Variants in AATF observed in about 807,000 individuals in gnomAD.
AATF encodes the protein apoptosis antagonizing transcription factor.
A neutral mutation model predicts 63.7 loss-of-function variants in AATF; 48 were observed. That is an observed-to-expected ratio of 0.75 (90% confidence interval 0.60 to 0.96). The LOEUF is 0.96. Among genes scored for constraint, AATF ranks in the 40% least tolerant of loss-of-function variants. The pLI is 0.00. For missense variants in AATF, 639 were observed against 685.7 expected (o/e 0.93, Z 0.76); for synonymous variants, 258 against 247.7 (o/e 1.04, Z -0.39).
intron 4 of AATF, among the ~76,000 whole-genome samples, chr17:36,982,653 A>G (rs1454468537): frequency 6.6e-6 from 1 of 151,998 alleles, no homozygotes; most frequent in Non-Finnish European, 1.5e-5. Context: ...CGCCCAGCCC[A>G]GTGTTTTTTT....
intron 8 of AATF, chr17:36,999,295 A>G (rs1669583015): frequency 6.6e-6 from 1 of 152,230 alleles, no homozygotes; most frequent in South Asian, 2.1e-4. Flanking sequence ...TCCTTCATTC[A>G]TTCAACAAAT....
intron 4 of AATF, among the ~76,000 whole-genome samples, chr17:36,978,992 C>T (rs1206485546): frequency 1.3e-5 from 2 of 151,886 alleles, no homozygotes; most frequent in East Asian, 1.9e-4. Flanking sequence ...CTGGGTAGCC[C>T]GCGAGTTGCA....
At chr17:37,052,867 A>G (rs527527691) in intron 11 of AATF, 10 of 152,358 alleles carry the variant, frequency 6.6e-5, no homozygotes, top group African/African-American at 2.4e-4. Context: ...AGCCCTGTGC[A>G]GGCCGGGTGG....
At chr17:37,028,849 T>C (rs1384908326) in intron 10 of AATF, among the ~76,000 whole-genome samples, 1 of 152,074 alleles carries the variant, frequency 6.6e-6, no homozygotes, top group African/African-American at 2.4e-5. Context: ...AATATGAAAA[T>C]AGGGTACTTC....
chr17:37,023,603 A>G (rs1043617641), intron 10 of AATF, among the ~76,000 whole-genome samples: 2 of 139,470 alleles, frequency 1.4e-5, no homozygotes, highest in African/African-American at 5.3e-5. Context: ...CAGAGTTTAA[A>G]AAGAGGCATT....
chr17:37,046,735 A>C (rs1184215330), intron 11 of AATF, among the ~76,000 whole-genome samples: 50 of 134,756 alleles, frequency 3.7e-4, no homozygotes, highest in African/African-American at 1.5e-3. Context: ...CCCCCAACAC[A>C]CACACACACA....
At chr17:37,029,586 G>T (rs1480768554) in intron 10 of AATF, among the ~76,000 whole-genome samples, 1 of 151,070 alleles carries the variant, frequency 6.6e-6, no homozygotes, top group Admixed American at 6.6e-5. Context: ...TTTTATTTTT[G>T]AAACAAAATC....
intron 11 of AATF, among the ~76,000 whole-genome samples, chr17:37,051,697 GACACACACACAC>G (rs59773430): frequency 4.4e-5 from 6 of 137,140 alleles, no homozygotes; most frequent in Non-Finnish European, 9.4e-5. Context: ...CAGACAGACA[GACACACACACAC>G]ACACACACAC....
At chr17:36,971,166 G>A (rs7220499) in intron 4 of AATF, among the ~76,000 whole-genome samples, 40,342 of 151,944 alleles carry the variant, frequency 0.27, 7,599 homozygotes, top group African/African-American at 0.54. Context: ...AATGTTTGCA[G>A]ATCACATAAT....
chr17:36,984,315 A>G (rs2071150145), intron 4 of AATF, among the ~76,000 whole-genome samples: 1 of 152,258 alleles, frequency 6.6e-6, no homozygotes, highest in Non-Finnish European at 1.5e-5. Context: ...TTCAGCAACC[A>G]GTTAAACATC....
In AATF at chr17:37,031,679, A is replaced by G. The variant is rs952524733; in HGVS notation, c.1613A>G (p.Asp538Gly). 1 of 1,613,480 alleles carries G rather than the reference A, an allele frequency of 6.2e-7. No homozygotes were observed. Among genetic ancestry groups the G allele is most frequent in the African/African-American group, 1.3e-5 (1 of 74,904 alleles). ...ATTGACCATACTACAATGAATGATG[A>G]TGCCAGGTGAGTAATAGATTAATTA... Reference protein sequence around the residue: ...APIDHTTMNDDARTELYRSLF... With the variant: ...APIDHTTMNDGARTELYRSLF... The change falls in exon 11 of 12, where the codon GAT (aspartate) becomes GGT (glycine). Residue 538 changes from aspartate to glycine, a missense_variant. Asp to Gly is a moderately conservative substitution (Grantham distance 94). Coordinates refer to ENST00000619387, the MANE Select transcript of AATF (RefSeq NM_012138.4).
chr17:36,949,195 C>T lies in AATF; in HGVS notation c.70C>T (p.Pro24Ser). Residue 24 changes from proline (P) to serine (S), a missense_variant, in exon 1 of 12, where the codon CCT becomes TCT. Pro to Ser is a moderately conservative substitution (Grantham distance 74). Transcript: ENST00000619387. ...LLNPRPSEAD[P>S]EADPEEATAA... ...GAACCCGCGACCAAGCGAGGCGGAC[C>T]CTGAAGCGGACCCCGAGGAAGGTGA... The T allele has an allele frequency of 6.3e-7, 1 of 1,593,338 alleles. No individual in the cohort carries two copies. The highest frequency in any genetic ancestry group is 8.5e-7 in the Non-Finnish European group (1 of 1,171,636).
At chr17:36,996,338 G>A (rs2071254723) in intron 8 of AATF, among the ~76,000 whole-genome samples, 1 of 152,304 alleles carries the variant, frequency 6.6e-6, no homozygotes, top group Middle Eastern at 3.4e-3. Flanking sequence ...GGAGACTGAG[G>A]TGGGAAAATC....
intron 8 of AATF, among the ~76,000 whole-genome samples, chr17:36,994,272 C>T (rs987447640): frequency 6.6e-6 from 1 of 152,164 alleles, no homozygotes; most frequent in Non-Finnish European, 1.5e-5. Flanking sequence ...AGAGATTTCA[C>T]TGTAGTATTA....
chr17:37,048,163 G>A (rs2071710453), intron 11 of AATF, among the ~76,000 whole-genome samples: 1 of 151,956 alleles, frequency 6.6e-6, no homozygotes, highest in Non-Finnish European at 1.5e-5. Flanking sequence ...GATCCTCCTT[G>A]GGTTGTTGGG....
At chr17:36,953,700 C>G (rs922896437) in intron 3 of AATF, 70 bp from the exon 4 acceptor site, 31 of 1,504,344 alleles carry the variant, frequency 2.1e-5, no homozygotes, top group Non-Finnish European at 2.8e-5. Context: ...CCTGTTCTTC[C>G]CCACCCCTGC....
chr17:37,019,762 G>C (rs1439689660), intron 9 of AATF, among the ~76,000 whole-genome samples: 8 of 152,196 alleles, frequency 5.3e-5, no homozygotes, highest in Admixed American at 3.9e-4. Flanking sequence ...AGAAAGCAGT[G>C]AAAAATTTGT....
intron 4 of AATF, among the ~76,000 whole-genome samples, chr17:36,972,728 T>C (rs2071049102): frequency 6.6e-6 from 1 of 152,086 alleles, no homozygotes; most frequent in African/African-American, 2.4e-5. Context: ...TTTATCATGA[T>C]TGCTGTCTGA....
chr17:37,037,536 CAG>C (rs1461608389), intron 11 of AATF, among the ~76,000 whole-genome samples: 4 of 152,198 alleles, frequency 2.6e-5, no homozygotes, highest in African/African-American at 9.7e-5. Flanking sequence ...CTTTTAGAAA[CAG>C]TGCTTACATT....
Sources: allele counts gnomAD v4.1 joint callset (sites outside exome capture counted in the v4.1 genomes callset), GRCh38; gene constraint gnomAD v4.1.1; transcripts MANE v1.5; gene names NCBI Gene and HGNC (gene_info 2026-07-23, HGNC 2026-07-21).